PPP3R1: variants seen among roughly 807,000 people sequenced by gnomAD.
The protein encoded by PPP3R1 is protein phosphatase 3 regulatory subunit B, alpha.
In PPP3R1, 5 loss-of-function variants were observed where a neutral mutation model predicts 22.6. The ratio of observed to expected loss-of-function variants is 0.22; its 90% CI spans 0.12 to 0.46. PPP3R1 has a LOEUF of 0.46. PPP3R1 is among the 20% of genes least tolerant of loss of function. The pLI is 0.99. For synonymous variants in PPP3R1, 56 were observed against 65.2 expected, an observed-to-expected ratio of 0.86 and a Z score of 0.68; for missense variants, 61 against 203.2, an observed-to-expected ratio of 0.30 and a Z score of 4.25.
At chr2:68,207,274 A>G (rs1675149261) in intron 2 of PPP3R1, among the ~76,000 whole-genome samples, 1 of 151,810 alleles carries the variant, frequency 6.6e-6, no homozygotes, top group South Asian at 2.1e-4. Context: ...GGAAAAAAGA[A>G]CTACATAACA....
At chr2:68,209,044 AT>A (rs11445796) in intron 2 of PPP3R1, among the ~76,000 whole-genome samples, 45 of 150,250 alleles carry the variant, frequency 3.0e-4, no homozygotes, top group African/African-American at 9.0e-4. Flanking sequence ...AGGTATCACC[AT>A]TTTTTTTTAA....
At position 68,251,528 on chromosome 2, in the gene PPP3R1, C is replaced by A. The variant is rs1379954159; in HGVS notation, c.3+597G>T. 3.3e-5 allele frequency among the ~76,000 whole-genome samples: 5 copies of A among 152,194 alleles called. No homozygotes were observed. The East Asian group carries it at 9.7e-4, about 29-fold the overall frequency. ...AAAGCAGCAGCGAACGGAAACCCCG[C>A]AGGGCTGCGCACCGCAGCTAAACCG... On this transcript the variant is annotated intron_variant, in intron 1 of 5. Coordinates refer to ENST00000234310, the MANE Select transcript of PPP3R1 (RefSeq NM_000945.4).
At chr2:68,192,542 G>C (rs1373720880) in intron 2 of PPP3R1, among the ~76,000 whole-genome samples, 1 of 151,982 alleles carries the variant, frequency 6.6e-6, no homozygotes, top group Non-Finnish European at 1.5e-5. Context: ...CTGAAATTTA[G>C]GCACTTAAAG....
intron 2 of PPP3R1, among the ~76,000 whole-genome samples, chr2:68,207,390 AAAG>A: frequency 6.6e-6 from 1 of 152,324 alleles, no homozygotes; most frequent in East Asian, 1.9e-4. Context: ...AAGTGATAAG[AAAG>A]AAGACTTACT....
chr2:68,233,636 A>AT (rs902346634), intron 1 of PPP3R1, among the ~76,000 whole-genome samples: 9 of 150,602 alleles, frequency 6.0e-5, no homozygotes, highest in South Asian at 2.1e-4. Context: ...AATCGCAGTA[A>AT]TTTTTTTTTT....
chr2:68,198,630 C>T (rs554284103), intron 2 of PPP3R1, among the ~76,000 whole-genome samples: 2 of 151,946 alleles, frequency 1.3e-5, no homozygotes, highest in East Asian at 3.9e-4. Flanking sequence ...TGTACTTTTA[C>T]TTTGTTCTGT....
At chr2:68,184,771 A>C (rs1674499512) in intron 5 of PPP3R1, among the ~76,000 whole-genome samples, 1 of 152,226 alleles carries the variant, frequency 6.6e-6, no homozygotes, top group Non-Finnish European at 1.5e-5. Flanking sequence ...CCCCTTAAAA[A>C]TACAAGCAAA....
rs917747541 is a variant in PPP3R1, at chr2:68,239,611, G to A, written c.3+12514C>T. Among the ~76,000 whole-genome samples, 4 of 152,212 alleles carry A rather than the reference G, an allele frequency of 2.6e-5. No homozygotes were observed. In the South Asian group the frequency reaches 6.2e-4, roughly 24 times the overall value. ...AGAACTATGGACTGGAGAAGAGAAC[G>A]ATGTGGCCTGAAAAATACGAATGAA... On this transcript the variant is annotated intron_variant, in intron 1 of 5. Transcript: ENST00000234310.
At chr2:68,193,768 G>T (rs930482005) in intron 2 of PPP3R1, among the ~76,000 whole-genome samples, 1 of 152,106 alleles carries the variant, frequency 6.6e-6, no homozygotes, top group Non-Finnish European at 1.5e-5. Flanking sequence ...ATTAGGAACA[G>T]ATCTCTAAAG....
At chr2:68,243,770 C>T (rs1254697420) in intron 1 of PPP3R1, among the ~76,000 whole-genome samples, 1 of 152,030 alleles carries the variant, frequency 6.6e-6, no homozygotes, top group Non-Finnish European at 1.5e-5. Flanking sequence ...AAACTTTGGA[C>T]TAAAACTGAT....
At chr2:68,202,590 AATTTTTCT>A (rs1177786770) in intron 2 of PPP3R1, among the ~76,000 whole-genome samples, 9 of 151,704 alleles carry the variant, frequency 5.9e-5, no homozygotes, top group African/African-American at 1.7e-4. Context: ...ATGCCCGGCT[AATTTTTCT>A]ATTTTTAGTA....
chr2:68,217,039 C>CTCAG (rs1553407217), intron 2 of PPP3R1, 53 bp downstream of exon 2: 5 of 1,084,898 alleles, frequency 4.6e-6, no homozygotes, highest in African/African-American at 1.6e-5. Flanking sequence ...CACACACACA[C>CTCAG]AGAGAGAGAT....
At position 68,191,266 on chromosome 2, in the gene PPP3R1, T is replaced by C. The variant is rs191473054; in HGVS notation, c.44-2576A>G. On this transcript the variant is annotated intron_variant, in intron 2 of 5. Coordinates refer to ENST00000234310, the MANE Select transcript of PPP3R1 (RefSeq NM_000945.4). ...GACAGCCTACTACACACCCAGGCTA[T>C]ATGGTCCAGCCTATTGCTCCTAGGC... is the stretch of plus-strand genomic sequence containing the variant. 2.0e-5 allele frequency among the ~76,000 whole-genome samples: 3 copies of C among 152,318 alleles called. No individual in the cohort carries two copies. In the East Asian group the frequency reaches 5.8e-4, roughly 29 times the overall value.
At chr2:68,197,492 G>A (rs1291668089) in intron 2 of PPP3R1, among the ~76,000 whole-genome samples, 7 of 149,966 alleles carry the variant, frequency 4.7e-5, no homozygotes, top group African/African-American at 9.7e-5. Context: ...GTAAACAAAC[G>A]TTTTCCTGGA....
At chr2:68,195,975 C>T (rs1674758875) in intron 2 of PPP3R1, among the ~76,000 whole-genome samples, 1 of 151,436 alleles carries the variant, frequency 6.6e-6, no homozygotes, top group African/African-American at 2.4e-5. Context: ...TTCTAAGACA[C>T]GATTCTCCAA....
chr2:68,242,937 T>C (rs1670161966), intron 1 of PPP3R1, among the ~76,000 whole-genome samples: 1 of 152,182 alleles, frequency 6.6e-6, no homozygotes, highest in Non-Finnish European at 1.5e-5. Flanking sequence ...TACCTAATTC[T>C]AACATAAAAA....
Position 68,217,039 on chromosome 2 carries a change from C to CGCACGCAG in PPP3R1, c.43+52_43+53insCTGCGTGC, listed in dbSNP as rs1553407217. ...ACACACACACACACACACACACACA[C>CGCACGCAG]AGAGAGAGATGAGTGAATAAAAGTA... On this transcript the variant is annotated intron_variant, in intron 2 of 5. Coordinates refer to ENST00000234310, the MANE Select transcript of PPP3R1 (RefSeq NM_000945.4). 4.6e-6 allele frequency: 5 copies of CGCACGCAG among 1,085,578 alleles called. No homozygotes were observed. The African/African-American group carries it at 4.9e-5, about 11-fold the overall frequency. 67.2% of individuals were successfully genotyped at this position (1,085,578 alleles called of 1,614,324 possible).
chr2:68,220,717 G>GATGAACTTCAAAATCTT (rs1422693617), intron 1 of PPP3R1, among the ~76,000 whole-genome samples: 7 of 152,132 alleles, frequency 4.6e-5, no homozygotes, highest in African/African-American at 1.7e-4. Flanking sequence ...CTATAAAATG[G>GATGAACTTCAAAATCTT]ATGAACTTCA....
intron 2 of PPP3R1, among the ~76,000 whole-genome samples, chr2:68,197,491 C>A (rs572513535): frequency 6.7e-6 from 1 of 149,770 alleles, no homozygotes; most frequent in African/African-American, 2.4e-5. Flanking sequence ...TGTAAACAAA[C>A]GTTTTCCTGG....
Sources: gnomAD v4.1 joint callset for allele counts (sites outside exome capture counted in the v4.1 genomes callset) on GRCh38, gnomAD v4.1.1 for gene constraint, MANE v1.5 for transcripts, NCBI Gene and HGNC (gene_info 2026-07-23, HGNC 2026-07-21) for gene names.